The following AGRN variants were observed in gnomAD, a reference collection of about 807,000 sequenced individuals.
The protein encoded by AGRN is agrin.
AGRN carries 106 observed loss-of-function variants against 211.0 expected under a neutral mutation model. The ratio of observed to expected loss-of-function variants is 0.50; its 90% confidence interval spans 0.43 to 0.59. The LOEUF is 0.59. AGRN is among the 20% of genes least tolerant of loss of function. The pLI is 0.00. For missense variants in AGRN, 3,040 were observed against 2,982.6 expected, an observed-to-expected ratio of 1.02 and a Z score of -0.45; for synonymous variants, 1,525 against 1,332.5, an observed-to-expected ratio of 1.14 and a Z score of -3.15.
At chr1:1,023,051 C>T (rs898721217) in intron 2 of AGRN, among the ~76,000 whole-genome samples, 5 of 152,222 alleles carry the variant, frequency 3.3e-5, no homozygotes, top group Non-Finnish European at 7.3e-5. Context: ...GGACAAGTCC[C>T]AGTTGGGGAC....
chr1:1,050,136 T>G, intron 27 of AGRN, 97 bp from the exon 28 acceptor site: 1 of 1,590,330 alleles, frequency 6.3e-7, no homozygotes, highest in South Asian at 1.1e-5. Flanking sequence ...TGCGGCTCAG[T>G]CTAGTCTGGG....
intron 1 of AGRN, among the ~76,000 whole-genome samples, chr1:1,021,855 G>A (rs1205223142): frequency 6.6e-6 from 1 of 152,246 alleles, no homozygotes; most frequent in Admixed American, 6.5e-5. Context: ...CACTGGGCAG[G>A]TGGGGAGAAG....
rs778732825 is a variant in AGRN, at chr1:1,044,365, C to T, written c.2180C>T (p.Thr727Ile). The change falls in exon 12 of 36, where the codon ACC (threonine) becomes ATC (isoleucine). Residue 727 changes from threonine (T) to isoleucine (I), a missense_variant. Around this residue, in one of 3 missense-constraint regions of AGRN, gnomAD observed 1,498 missense variants for 1,457.8 expected, o/e 1.03. Transcript: ENST00000379370. ...VCGSDGVTYS[T>I]ECELKKARCE... ...GGCTCAGATGGGGTCACCTACAGCACCGAGTGTGAGCTGAAGAAGGCCAGG... is the reference window on the plus strand; with the variant it reads ...GGCTCAGATGGGGTCACCTACAGCATCGAGTGTGAGCTGAAGAAGGCCAGG... 6 of 1,612,666 alleles carry T rather than the reference C, an allele frequency of 3.7e-6. No individual in the cohort carries two copies. The African/African-American group carries it at 6.7e-5, about 18-fold the overall frequency.
At chr1:1,052,602 G>A (rs1341633620) in intron 33 of AGRN, 3 of 189,860 alleles carry the variant, frequency 1.6e-5, no homozygotes, top group Non-Finnish European at 1.1e-5. Flanking sequence ...GCGCACATGG[G>A]TCCATGTATG....
chr1:1,045,041 T>C, intron 12 of AGRN, 120 bp from the exon 13 acceptor site: 1 of 1,121,858 alleles, frequency 8.9e-7, no homozygotes, highest in Non-Finnish European at 1.3e-6. Flanking sequence ...CGGGCTCCTC[T>C]GGGAGCTGGG....
chr1:1,041,412 G>A lies in AGRN; in HGVS notation c.952+15G>A, dbSNP rs1644932889. 1 of 1,544,322 alleles carries A rather than the reference G, an allele frequency of 6.5e-7. No individual in the cohort carries two copies. Among genetic ancestry groups the A allele is most frequent in the South Asian group, 1.2e-5 (1 of 85,228 alleles). On this transcript the variant is annotated intron_variant, in intron 5 of 35. Coordinates refer to ENST00000379370, the MANE Select transcript of AGRN (RefSeq NM_198576.4). ...CGGCCCTTGTGGTGAGCGCGGCGGC[G>A]GGCGCACGGCTCGAGCTCTGTGGGC...
Position 1,051,274 on chromosome 1 carries a change from C to A in AGRN, c.5275C>A (p.Leu1759Met). Residue 1759 changes from leucine to methionine, a missense_variant, in exon 31 of 36, where the codon CTG becomes ATG. Around this residue, in one of 3 missense-constraint regions of AGRN, gnomAD observed 1,537 missense variants for 1,505.0 expected, o/e 1.02. Coordinates refer to ENST00000379370, the MANE Select transcript of AGRN (RefSeq NM_198576.4). ...GCAGGTTCCGCACACCGTCCTCAACCTGAAGGAGCCGCTCTACGTAGGGGG... is the reference window on the plus strand; with the variant it reads ...GCAGGTTCCGCACACCGTCCTCAACATGAAGGAGCCGCTCTACGTAGGGGG... ...ESPVPHTVLN[L>M]KEPLYVGGAP... 1 of 1,579,502 alleles carries A rather than the reference C, an allele frequency of 6.3e-7. No homozygotes were observed. Among genetic ancestry groups the A allele is most frequent in the Non-Finnish European group, 8.6e-7 (1 of 1,163,710 alleles).
At position 1,051,468 on chromosome 1, in the gene AGRN, C is replaced by A; in HGVS notation, c.5386C>A (p.Arg1796Ser). 6.4e-7 allele frequency: 1 copy of A among 1,562,946 alleles called. No individual in the cohort carries two copies. Among genetic ancestry groups the A allele is most frequent in the East Asian group, 2.3e-5 (1 of 43,198 alleles). ...TGCCCTGCAGGTCTCCCTCGGAGGC[C>A]GCCAGCTGCTGACCCCGGAGCACGT... is the stretch of plus-strand genomic sequence containing the variant. ...GAIQLVSLGGRQLLTPEHVLR... is the reference protein window; with the variant it reads ...GAIQLVSLGGSQLLTPEHVLR... Residue 1796 changes from arginine to serine, a missense_variant, in exon 32 of 36, where the codon CGC (arginine) becomes AGC (serine). Transcript: ENST00000379370.
Position 1,049,304 on chromosome 1 carries a change from G to T in AGRN, c.4367G>T (p.Arg1456Leu), listed in dbSNP as rs372604628. The change falls in exon 25 of 36, where the codon CGC becomes CTC. Residue 1456 changes from arginine to leucine, a missense_variant. Around this residue, in one of 3 missense-constraint regions of AGRN, gnomAD observed 1,537 missense variants for 1,505.0 expected, o/e 1.02. Coordinates refer to ENST00000379370, the MANE Select transcript of AGRN (RefSeq NM_198576.4). ...AVPVEPGQWH[R>L]LELSRHWRRG... ...CCGGTAGAGCCGGGCCAGTGGCACC[G>T]CCTGGAGCTGTCCCGGCACTGGCGC... 6 of 1,597,282 alleles carry T rather than the reference G, an allele frequency of 3.8e-6. No individual in the cohort carries two copies. Among genetic ancestry groups the T allele is most frequent in the Non-Finnish European group, 5.1e-6 (6 of 1,178,912 alleles).
intron 2 of AGRN, among the ~76,000 whole-genome samples, chr1:1,028,578 G>A (rs1207623809): frequency 3.1e-5 from 4 of 129,032 alleles, no homozygotes; most frequent in South Asian, 2.9e-4. Context: ...CGAAGGAACC[G>A]AGCCCCAGCC....
chr1:1,049,251 G>C lies in AGRN; in HGVS notation c.4314G>C (p.Ser1438=), dbSNP rs375067610. 6.3e-7 allele frequency: 1 copy of C among 1,586,582 alleles called. No individual in the cohort carries two copies. The highest frequency in any genetic ancestry group is 1.7e-5 in the Admixed American group (1 of 58,978). ...GRVQLRFDTG[S]GPAVLTSAVP... Reference sequence around the variant, plus strand: ...CTGCCCTCAGGTTTGACACAGGTTCGGGGCCGGCGGTGCTGACCAGTGCCG... The same window carrying C: ...CTGCCCTCAGGTTTGACACAGGTTCCGGGCCGGCGGTGCTGACCAGTGCCG... The change falls in exon 25 of 36, where the codon TCG becomes TCC. Residue 1438 remains serine (S), a synonymous_variant. Transcript: ENST00000379370.
intron 33 of AGRN, chr1:1,052,187 C>T: frequency 1.3e-6 from 1 of 792,528 alleles, no homozygotes; most frequent in Admixed American, 2.5e-5. Context: ...AGTGCAGTCG[C>T]CCCTCCCAGG....
intron 3 of AGRN, among the ~76,000 whole-genome samples, chr1:1,036,896 G>C (rs147801409): frequency 6.6e-5 from 10 of 152,308 alleles, no homozygotes; most frequent in Non-Finnish European, 1.2e-4. Context: ...GTGGGTCAGG[G>C]CAGCACAGCA....
Position 1,055,291 on chromosome 1 carries a change from C to T in AGRN, c.*310C>T. 2.3e-6 allele frequency: 1 copy of T among 435,076 alleles called. No individual in the cohort carries two copies. Among genetic ancestry groups the T allele is most frequent in the Non-Finnish European group, 4.3e-6 (1 of 230,774 alleles). 27.0% of individuals were successfully genotyped at this position (435,076 alleles called of 1,614,324 possible). On this transcript the variant is annotated 3_prime_UTR_variant, in exon 36 of 36. Coordinates refer to ENST00000379370, the MANE Select transcript of AGRN (RefSeq NM_198576.4). ...GAAGCAGCCCCGGCTCCTGAATCACCCTCGCTCCGTCAGGCGGGACTCGTG... is the reference window on the plus strand; with the variant it reads ...GAAGCAGCCCCGGCTCCTGAATCACTCTCGCTCCGTCAGGCGGGACTCGTG...
At chr1:1,033,904 C>T (rs1013906897) in intron 2 of AGRN, among the ~76,000 whole-genome samples, 1 of 151,542 alleles carries the variant, frequency 6.6e-6, no homozygotes, top group African/African-American at 2.4e-5. Context: ...CCGCCCGATC[C>T]TCTGGAACTC....
intron 1 of AGRN, among the ~76,000 whole-genome samples, chr1:1,020,942 G>A (rs1644388322): frequency 6.6e-6 from 1 of 151,868 alleles, no homozygotes; most frequent in East Asian, 2.0e-4. Context: ...CGCTCCTGCG[G>A]GAACCGGGGC....
chr1:1,027,156 A>G (rs1644538993), intron 2 of AGRN, among the ~76,000 whole-genome samples: 1 of 152,172 alleles, frequency 6.6e-6, no homozygotes, highest in African/African-American at 2.4e-5. Context: ...CCCCCCACGG[A>G]GCAGAGGCGT....
intron 2 of AGRN, chr1:1,034,594 G>A (rs1199155630): frequency 1.0e-5 from 10 of 986,180 alleles, no homozygotes; most frequent in African/African-American, 1.7e-5. Flanking sequence ...CCCGGCAGCC[G>A]CCTGGCGCCT....
Position 1,042,003 on chromosome 1 carries a change from C to T in AGRN, c.1225C>T (p.Arg409Cys), listed in dbSNP as rs1231680925. 3.1e-6 allele frequency: 5 copies of T among 1,611,580 alleles called. No individual in the cohort carries two copies. The highest frequency in any genetic ancestry group is 1.7e-5 in the Admixed American group (1 of 59,990). Reference sequence around the variant, plus strand: ...GTTCAATGCCGTGTGCCTGTCCCGCCGTGGCCGTCCCCGCTGCTCCTGCGA... The same window carrying T: ...GTTCAATGCCGTGTGCCTGTCCCGCTGTGGCCGTCCCCGCTGCTCCTGCGA... Reference protein sequence around the residue: ...CRFNAVCLSRRGRPRCSCDRV... With the variant: ...CRFNAVCLSRCGRPRCSCDRV... Residue 409 changes from arginine to cysteine, a missense_variant, in exon 7 of 36, where the codon CGT (arginine) becomes TGT (cysteine). Physicochemically the swap from Arg to Cys is radical, Grantham distance 180. Transcript: ENST00000379370.
Sources: allele counts gnomAD v4.1 joint callset (sites outside exome capture counted in the v4.1 genomes callset), GRCh38; gene constraint gnomAD v4.1.1; regional missense constraint gnomAD v4.1.1; transcripts MANE v1.5; gene names NCBI Gene and HGNC (gene_info 2026-07-23, HGNC 2026-07-21).